The following ARL15 variants were observed in gnomAD, a reference collection of about 807,000 sequenced individuals.
ARL15 encodes ADP-ribosylation factor-like protein 15.
ARL15 carries 19 observed loss-of-function variants against 25.2 expected under a neutral mutation model. The ratio of observed to expected loss-of-function variants is 0.75; its 90% CI spans 0.53 to 1.10. The LOEUF (loss-of-function observed/expected upper bound fraction) is 1.10, where lower values mean the gene tolerates loss of function less well. ARL15 is among the 50% of genes least tolerant of loss of function. ARL15 has a pLI of 0.00. For missense variants in ARL15, 220 were observed against 246.0 expected (o/e 0.89, Z 0.71); for synonymous variants, 94 against 86.8 (o/e 1.08, Z -0.46).
rs3063747 is a variant in ARL15, at chr5:54,165,738, T to TTATATATATATA, written c.193+6034_193+6045dup. 1.3e-3 allele frequency among the ~76,000 whole-genome samples: 194 copies of TTATATATATATA among 147,934 alleles called. 1 individual carries two copies. The highest frequency in any genetic ancestry group is 4.2e-3 in the African/African-American group (169 of 40,356). Reference sequence around the variant, plus strand: ...TATGGATATAAATATATACCTTTGTTTATATATATATATATAAATAGAGAC... The same window carrying TTATATATATATA: ...TATGGATATAAATATATACCTTTGTTTATATATATATATATATATATATATATAAATAGAGAC... On this transcript the variant is annotated intron_variant, in intron 2 of 4. Transcript: ENST00000504924.
At chr5:54,051,650 T>C (rs1750704665) in intron 4 of ARL15, among the ~76,000 whole-genome samples, 1 of 152,178 alleles carries the variant, frequency 6.6e-6, no homozygotes, top group Non-Finnish European at 1.5e-5. Context: ...ATAGCTAAAA[T>C]TCAAAACAGT....
intron 1 of ARL15, among the ~76,000 whole-genome samples, chr5:54,284,267 C>G (rs1320774983): frequency 2.0e-5 from 3 of 152,264 alleles, no homozygotes; most frequent in African/African-American, 7.2e-5. Context: ...CCATGCCCAG[C>G]AAATATTTTA....
At chr5:54,076,472 A>AG (rs35729346) in intron 4 of ARL15, among the ~76,000 whole-genome samples, 75,981 of 151,408 alleles carry the variant, frequency 0.5, 21,236 homozygotes, top group Non-Finnish European at 0.62. Context: ...ATAGTATAGC[A>AG]GTAATTTGAT....
chr5:54,226,451 G>A (rs189471000), intron 1 of ARL15, among the ~76,000 whole-genome samples: 79 of 152,280 alleles, frequency 5.2e-4, no homozygotes, highest in Non-Finnish European at 1.0e-3. Flanking sequence ...TCCTGGAATC[G>A]AGAGGCCAGG....
intron 4 of ARL15, among the ~76,000 whole-genome samples, chr5:53,982,052 G>A (rs1463209457): frequency 5.9e-5 from 9 of 152,142 alleles, no homozygotes; most frequent in African/African-American, 2.2e-4. Flanking sequence ...AGAACACTAA[G>A]GAGGAGGTAA....
intron 1 of ARL15, among the ~76,000 whole-genome samples, chr5:54,187,272 T>G (rs937124774): frequency 1.3e-5 from 2 of 152,158 alleles, no homozygotes; most frequent in African/African-American, 4.8e-5. Flanking sequence ...CTGGCTCTCA[T>G]GCTGGGGCCC....
chr5:54,263,027 AT>A (rs1247143244), intron 1 of ARL15, among the ~76,000 whole-genome samples: 2 of 152,074 alleles, frequency 1.3e-5, no homozygotes, highest in African/African-American at 4.8e-5. Context: ...AATATGGCAA[AT>A]TTTCCACTTT....
chr5:53,886,398 T>TGTA lies in ARL15; in HGVS notation c.*162_*163insTAC. ...ACGTTAATGCCGATGATAATTCATCTGATCTACAGAATATTCACTTTAATA... is the reference window on the plus strand; with the variant it reads ...ACGTTAATGCCGATGATAATTCATCTGTAGATCTACAGAATATTCACTTTAATA... On this transcript the variant is annotated 3_prime_UTR_variant, in exon 5 of 5. Coordinates refer to ENST00000504924, the MANE Select transcript of ARL15 (RefSeq NM_019087.3). The TGTA allele has an allele frequency of 4.2e-6, 3 of 711,952 alleles. No individual in the cohort carries two copies. Among genetic ancestry groups the TGTA allele is most frequent in the East Asian group, 2.8e-5 (1 of 35,976 alleles). 44.1% of individuals were successfully genotyped at this position (711,952 alleles called of 1,614,324 possible).
intron 1 of ARL15, among the ~76,000 whole-genome samples, chr5:54,229,393 T>C (rs1244646536): frequency 2.0e-5 from 3 of 152,162 alleles, no homozygotes. Flanking sequence ...GGACACACTG[T>C]AGAAATCCTT....
intron 1 of ARL15, among the ~76,000 whole-genome samples, chr5:54,200,600 A>T (rs1040813894): frequency 1.3e-5 from 2 of 152,110 alleles, no homozygotes; most frequent in Non-Finnish European, 2.9e-5. Context: ...CCATCTCAAA[A>T]ATTAGTTGAT....
chr5:53,975,488 A>T (rs948236696), intron 4 of ARL15, among the ~76,000 whole-genome samples: 1 of 152,206 alleles, frequency 6.6e-6, no homozygotes, highest in Non-Finnish European at 1.5e-5. Context: ...ATCCTTGGTT[A>T]GTGTTTCACA....
intron 4 of ARL15, among the ~76,000 whole-genome samples, chr5:54,033,488 T>C (rs934582181): frequency 6.6e-6 from 1 of 151,620 alleles, no homozygotes; most frequent in African/African-American, 2.4e-5. Flanking sequence ...ACCAACATGG[T>C]GAAACCCCAT....
chr5:54,190,121 G>A (rs1028438012), intron 1 of ARL15, among the ~76,000 whole-genome samples: 4 of 152,158 alleles, frequency 2.6e-5, no homozygotes, highest in African/African-American at 4.8e-5. Flanking sequence ...GCTAGGTGTG[G>A]TGGCTCACGC....
At chr5:54,017,900 A>G (rs1749476742) in intron 4 of ARL15, among the ~76,000 whole-genome samples, 1 of 152,170 alleles carries the variant, frequency 6.6e-6, no homozygotes, top group Non-Finnish European at 1.5e-5. Flanking sequence ...GCAAATCTGA[A>G]GAGGAAAATT....
intron 1 of ARL15, among the ~76,000 whole-genome samples, chr5:54,213,585 A>T (rs1756102559): frequency 6.6e-6 from 1 of 152,226 alleles, no homozygotes; most frequent in African/African-American, 2.4e-5. Flanking sequence ...ACAGGAATAA[A>T]GAAGGAAGAC....
chr5:53,937,445 T>C (rs1378143289), intron 4 of ARL15, among the ~76,000 whole-genome samples: 1 of 152,190 alleles, frequency 6.6e-6, no homozygotes, highest in Non-Finnish European at 1.5e-5. Flanking sequence ...AAGCCCTATG[T>C]GGACGTGCCA....
chr5:54,103,978 C>G (rs578201838), intron 4 of ARL15, among the ~76,000 whole-genome samples: 4 of 152,258 alleles, frequency 2.6e-5, no homozygotes, highest in African/African-American at 9.6e-5. Context: ...TTGCTGGTTC[C>G]CCCAGACTTC....
At chr5:54,254,974 TC>T (rs1190579561) in intron 1 of ARL15, among the ~76,000 whole-genome samples, 1 of 152,166 alleles carries the variant, frequency 6.6e-6, no homozygotes, top group Non-Finnish European at 1.5e-5. Flanking sequence ...CTCACTCCAG[TC>T]CCGTTGTGAT....
At chr5:54,154,526 TA>T (rs1444238832) in intron 3 of ARL15, 53 bp downstream of exon 3, 1 of 1,160,280 alleles carries the variant, frequency 8.6e-7, no homozygotes, top group African/African-American at 1.6e-5. Flanking sequence ...AATACATTAT[TA>T]CCAAATTCAT....
Sources: gnomAD v4.1 joint callset for allele counts (sites outside exome capture counted in the v4.1 genomes callset) on GRCh38, gnomAD v4.1.1 for gene constraint, MANE v1.5 for transcripts, NCBI Gene and HGNC (gene_info 2026-07-23, HGNC 2026-07-21) for gene names.